RERE: variants seen among roughly 807,000 people sequenced by gnomAD.
RERE encodes arginine-glutamic acid dipeptide repeats, also known as arginine-glutamic acid dipeptide repeats protein.
A neutral mutation model predicts 146.1 loss-of-function variants in RERE; 40 were observed. That is an observed-to-expected ratio of 0.27 (90% CI 0.21 to 0.36). The LOEUF is 0.36. RERE is among the 10% of genes least tolerant of loss of function. The pLI, the probability that RERE is intolerant of heterozygous loss-of-function variation, is 1.00. For missense variants in RERE, 1,933 were observed against 2,138.7 expected (o/e 0.90, Z 1.90); for synonymous variants, 1,003 against 866.0 (o/e 1.16, Z -2.78).
intron 4 of RERE, among the ~76,000 whole-genome samples, chr1:8,592,473 C>T (rs1042002066): frequency 1.3e-5 from 2 of 152,042 alleles, no homozygotes; most frequent in Admixed American, 6.5e-5. Flanking sequence ...GGTTTCACCA[C>T]GTTGCCCAGG....
chr1:8,383,774 G>A (rs1340374517), intron 12 of RERE, among the ~76,000 whole-genome samples: 4 of 152,046 alleles, frequency 2.6e-5, no homozygotes, highest in South Asian at 2.1e-4. Context: ...CAGGAGAATC[G>A]CTTGAGCCCG....
chr1:8,365,741 G>T, intron 13 of RERE, 71 bp downstream of exon 13: 4 of 1,558,028 alleles, frequency 2.6e-6, no homozygotes, highest in Non-Finnish European at 3.5e-6. Flanking sequence ...GCTCCTACGG[G>T]CCCAGAGTGG....
intron 4 of RERE, among the ~76,000 whole-genome samples, chr1:8,575,208 C>G (rs1018861539): frequency 1.3e-5 from 2 of 152,050 alleles, no homozygotes; most frequent in African/African-American, 4.8e-5. Context: ...ACTTGAGAAT[C>G]AACACATAAT....
At chr1:8,467,789 C>T (rs568373353) in intron 10 of RERE, among the ~76,000 whole-genome samples, 7 of 152,054 alleles carry the variant, frequency 4.6e-5, no homozygotes, top group Non-Finnish European at 5.9e-5. Flanking sequence ...GGATTACAGG[C>T]GCCTGCCACC....
intron 7 of RERE, 127 bp from the exon 8 acceptor site, chr1:8,508,802 A>G: frequency 2.8e-6 from 2 of 717,544 alleles, no homozygotes; most frequent in East Asian, 2.7e-5. Flanking sequence ...TAACGTCCCC[A>G]CTACTTCTAA....
At chr1:8,650,440 T>C (rs1647554819) in intron 2 of RERE, among the ~76,000 whole-genome samples, 1 of 152,200 alleles carries the variant, frequency 6.6e-6, no homozygotes, top group South Asian at 2.1e-4. Context: ...TAATTTGTGC[T>C]TTATATCCCA....
intron 12 of RERE, among the ~76,000 whole-genome samples, chr1:8,386,022 A>ATATATATATTTT (rs1186333936): frequency 3.8e-5 from 1 of 26,624 alleles, no homozygotes; most frequent in Non-Finnish European, 6.0e-5. Context: ...ATATATATAT[A>ATATATATATTTT]TTTTTTTTTT....
chr1:8,687,414 T>C (rs1237548835), intron 1 of RERE, among the ~76,000 whole-genome samples: 1 of 152,124 alleles, frequency 6.6e-6, no homozygotes, highest in Non-Finnish European at 1.5e-5. Flanking sequence ...AAGGACAATG[T>C]ATGAAACAGG....
At chr1:8,663,189 T>C (rs751578336) in intron 1 of RERE, among the ~76,000 whole-genome samples, 1 of 152,116 alleles carries the variant, frequency 6.6e-6, no homozygotes, top group Non-Finnish European at 1.5e-5. Context: ...ATATTTCCTC[T>C]TGGGTCATGT....
chr1:8,498,102 T>C (rs1645070030), intron 8 of RERE, among the ~76,000 whole-genome samples: 1 of 152,260 alleles, frequency 6.6e-6, no homozygotes, highest in African/African-American at 2.4e-5. Flanking sequence ...GGCTCACGCC[T>C]GTAATCCCAG....
At chr1:8,521,165 C>A (rs1433912331) in intron 7 of RERE, among the ~76,000 whole-genome samples, 1 of 81,470 alleles carries the variant, frequency 1.2e-5, no homozygotes, top group Non-Finnish European at 2.2e-5. Context: ...GGAAGTAGAG[C>A]TTCTTTTTTT....
rs567199812 is a variant in RERE at position 8,733,088 on chromosome 1, T to C, written c.-144-76647A>G. Among the ~76,000 whole-genome samples, 29 of 152,298 alleles carry C rather than the reference T, an allele frequency of 1.9e-4. No homozygotes were observed. In the South Asian group the frequency reaches 5.8e-3, roughly 30 times the overall value. ...CGCCCACCTCTGCCTCCCAAAGTGC[T>C]GGGATTACAGGCGTGAGCCACCACG... On this transcript the variant is annotated intron_variant, in intron 1 of 22. Coordinates refer to ENST00000400908, the MANE Select transcript of RERE (RefSeq NM_001042681.2).
At chr1:8,795,761 T>C (rs1276047176) in intron 1 of RERE, among the ~76,000 whole-genome samples, 1 of 152,110 alleles carries the variant, frequency 6.6e-6, no homozygotes, top group African/African-American at 2.4e-5. Flanking sequence ...GGCCGGCAGA[T>C]CATCTGAGGT....
intron 1 of RERE, among the ~76,000 whole-genome samples, chr1:8,803,187 C>T (rs1010442443): frequency 1.3e-5 from 2 of 152,154 alleles, no homozygotes; most frequent in Non-Finnish European, 2.9e-5. Flanking sequence ...GAAAAGAAGT[C>T]ACTGTTCGGC....
rs571853667 is a variant in RERE at position 8,550,555 on chromosome 1, T to C, written c.725+5920A>G. ...TGTTGTTGTTGTTGTTGTTGTTTTT[T>C]GTTTTTTTTGAGACAGAGTCTCGCT... On this transcript the variant is annotated intron_variant, in intron 6 of 22. Transcript: ENST00000400908. 2.6e-5 allele frequency among the ~76,000 whole-genome samples: 4 copies of C among 152,258 alleles called. No individual in the cohort carries two copies. The East Asian group carries it at 7.7e-4, about 29-fold the overall frequency.
At chr1:8,371,201 G>C (rs1480196436) in intron 12 of RERE, among the ~76,000 whole-genome samples, 1 of 152,326 alleles carries the variant, frequency 6.6e-6, no homozygotes, top group East Asian at 1.9e-4. Flanking sequence ...ATATTTAGCA[G>C]ATTCTCTCTC....
chr1:8,385,208 A>AT (rs1642594463), intron 12 of RERE, among the ~76,000 whole-genome samples: 1 of 152,246 alleles, frequency 6.6e-6, no homozygotes, highest in Admixed American at 6.5e-5. Context: ...TAAAATCAAA[A>AT]TGAGTTTCAC....
intron 12 of RERE, among the ~76,000 whole-genome samples, chr1:8,398,014 A>G (rs908292394): frequency 2.0e-4 from 31 of 152,260 alleles, no homozygotes; most frequent in Non-Finnish European, 3.8e-4. Flanking sequence ...ATAGAATTTC[A>G]TAAGACAATG....
intron 2 of RERE, among the ~76,000 whole-genome samples, chr1:8,649,457 C>T (rs1003993087): frequency 6.6e-6 from 1 of 151,934 alleles, no homozygotes; most frequent in Non-Finnish European, 1.5e-5. Context: ...AGGCTGGGCG[C>T]GGTGGCTCTC....
Sources: allele counts gnomAD v4.1 joint callset (sites outside exome capture counted in the v4.1 genomes callset), GRCh38; gene constraint gnomAD v4.1.1; transcripts MANE v1.5; gene names NCBI Gene and HGNC (gene_info 2026-07-23, HGNC 2026-07-21).